The following PRKG1 variants were observed in gnomAD, a reference collection of about 807,000 sequenced individuals.
PRKG1 encodes the protein cGMP-dependent protein kinase 1.
A neutral mutation model predicts 88.1 loss-of-function variants in PRKG1; 35 were observed. The ratio of observed to expected loss-of-function variants is 0.40; its 90% CI spans 0.30 to 0.53. The LOEUF is 0.53. Ranked by LOEUF, PRKG1 falls within the 20% of genes least tolerant of loss-of-function variation. The pLI, the probability that PRKG1 is intolerant of heterozygous loss-of-function variation, is 0.59. For synonymous variants in PRKG1, 303 were observed against 292.5 expected (o/e 1.04, Z -0.37); for missense variants, 540 against 839.8 (o/e 0.64, Z 4.41).
chr10:51,089,591 T>TA (rs1352407023), intron 1 of PRKG1, among the ~76,000 whole-genome samples: 1 of 152,184 alleles, frequency 6.6e-6, no homozygotes, highest in Non-Finnish European at 1.5e-5. Context: ...CCTAATCCTA[T>TA]AAAAAACTTT....
chr10:51,708,522 C>T (rs1589221751), intron 3 of PRKG1, among the ~76,000 whole-genome samples: 1 of 152,258 alleles, frequency 6.6e-6, no homozygotes, highest in East Asian at 1.9e-4. Flanking sequence ...CTTTGTCTCC[C>T]ACTCCCTTCC....
chr10:51,729,902 A>T (rs1018487499), intron 3 of PRKG1, among the ~76,000 whole-genome samples: 4 of 152,018 alleles, frequency 2.6e-5, no homozygotes, highest in Admixed American at 2.6e-4. Context: ...TTAGCAGATG[A>T]TCCAGAGATT....
intron 7 of PRKG1, among the ~76,000 whole-genome samples, chr10:52,114,093 G>A (rs1847630771): frequency 6.6e-6 from 1 of 152,036 alleles, no homozygotes; most frequent in African/African-American, 2.4e-5. Flanking sequence ...ATGGACTTGG[G>A]GTTAGGTAAA....
intron 5 of PRKG1, among the ~76,000 whole-genome samples, chr10:52,040,071 T>C (rs1239575193): frequency 6.6e-6 from 1 of 152,180 alleles, no homozygotes; most frequent in African/African-American, 2.4e-5. Flanking sequence ...CCATTCTTTA[T>C]TGACCTCAAG....
chr10:52,116,531 A>G (rs904493122), intron 7 of PRKG1, among the ~76,000 whole-genome samples: 3 of 151,952 alleles, frequency 2.0e-5, no homozygotes, highest in Non-Finnish European at 4.4e-5. Flanking sequence ...CCTTGCTTGC[A>G]CTTCGAAAGA....
At position 51,598,191 on chromosome 10, in the gene PRKG1, C is replaced by A. The variant is rs952735032; in HGVS notation, c.592+130355C>A. On this transcript the variant is annotated intron_variant, in intron 3 of 17. Coordinates refer to ENST00000373980, the MANE Select transcript of PRKG1 (RefSeq NM_006258.4). ...GCTTACCCTTTGGAGTTTCCATCTACTAGCATCTAAAGACTACTGAAAACT... is the reference window on the plus strand; with the variant it reads ...GCTTACCCTTTGGAGTTTCCATCTAATAGCATCTAAAGACTACTGAAAACT... 7.2e-5 allele frequency among the ~76,000 whole-genome samples: 11 copies of A among 151,992 alleles called. No homozygotes were observed. The East Asian group carries it at 2.1e-3, about 29-fold the overall frequency.
chr10:51,982,266 A>T (rs1165075876), intron 5 of PRKG1, among the ~76,000 whole-genome samples: 1 of 152,132 alleles, frequency 6.6e-6, no homozygotes, highest in Non-Finnish European at 1.5e-5. Context: ...GTATTCCTGC[A>T]TCTCAATGAT....
At chr10:52,252,857 A>G (rs993181622) in intron 10 of PRKG1, 1 of 151,828 alleles carries the variant, frequency 6.6e-6, no homozygotes, top group Non-Finnish European at 1.5e-5. Flanking sequence ...AAAAAAAAAA[A>G]GTAAGGTTCT....
At chr10:51,541,404 A>G (rs939506215) in intron 3 of PRKG1, among the ~76,000 whole-genome samples, 5 of 152,070 alleles carry the variant, frequency 3.3e-5, no homozygotes, top group African/African-American at 1.2e-4. Flanking sequence ...CCCCTGTGTT[A>G]GAGGACTAAA....
chr10:51,862,876 G>A (rs1235552133), intron 4 of PRKG1, among the ~76,000 whole-genome samples: 1 of 152,094 alleles, frequency 6.6e-6, no homozygotes, highest in African/African-American at 2.4e-5. Flanking sequence ...CTATGTTACA[G>A]TGCCTGGCCT....
chr10:51,775,630 G>T (rs1838414457), intron 3 of PRKG1, among the ~76,000 whole-genome samples: 1 of 151,812 alleles, frequency 6.6e-6, no homozygotes, highest in Non-Finnish European at 1.5e-5. Flanking sequence ...TATTACCCAG[G>T]CTGGAGTGCA....
At chr10:51,416,515 C>T (rs1318466797) in intron 2 of PRKG1, among the ~76,000 whole-genome samples, 1 of 152,158 alleles carries the variant, frequency 6.6e-6, no homozygotes, top group Non-Finnish European at 1.5e-5. Context: ...TGAACCCTGT[C>T]TCAACCAGTT....
At chr10:51,958,877 C>A (rs1564728395) in intron 5 of PRKG1, among the ~76,000 whole-genome samples, 1 of 151,984 alleles carries the variant, frequency 6.6e-6, no homozygotes, top group African/African-American at 2.4e-5. Context: ...ATTACCTGGG[C>A]CTTCTAGTCC....
intron 5 of PRKG1, among the ~76,000 whole-genome samples, chr10:52,021,316 G>T (rs990847455): frequency 3.3e-5 from 5 of 152,190 alleles, no homozygotes; most frequent in Non-Finnish European, 4.4e-5. Context: ...GTTATGGATG[G>T]ATTTTAAGCA....
At chr10:52,004,348 CAACTGCATGTTGATA>C (rs1844676568) in intron 5 of PRKG1, among the ~76,000 whole-genome samples, 1 of 152,150 alleles carries the variant, frequency 6.6e-6, no homozygotes, top group Non-Finnish European at 1.5e-5. Context: ...ATAATAATGT[CAACTGCATGTTGATA>C]AACAGGTAGA....
At chr10:51,683,408 T>G (rs1840899506) in intron 3 of PRKG1, among the ~76,000 whole-genome samples, 1 of 152,112 alleles carries the variant, frequency 6.6e-6, no homozygotes, top group African/African-American at 2.4e-5. Context: ...AAAAAACAAG[T>G]GATGACAGTG....
At position 51,591,412 on chromosome 10, in the gene PRKG1, C is replaced by A. The variant is rs970957814; in HGVS notation, c.592+123576C>A. On this transcript the variant is annotated intron_variant, in intron 3 of 17. Coordinates refer to ENST00000373980, the MANE Select transcript of PRKG1 (RefSeq NM_006258.4). ...TTCTGTCATTAGACAAAATAAAAAT[C>A]ATTTTAAATGGCACATTTGAAAGAT... 3.9e-5 allele frequency among the ~76,000 whole-genome samples: 6 copies of A among 152,134 alleles called. No homozygotes were observed. In the South Asian group the frequency reaches 1.2e-3, roughly 32 times the overall value.
chr10:51,658,263 C>T (rs1840210866), intron 3 of PRKG1, among the ~76,000 whole-genome samples: 1 of 152,078 alleles, frequency 6.6e-6, no homozygotes, highest in African/African-American at 2.4e-5. Flanking sequence ...ACCCACTCGC[C>T]ATATCTATTG....
At chr10:51,416,984 A>G (rs1018602984) in intron 2 of PRKG1, among the ~76,000 whole-genome samples, 5 of 152,206 alleles carry the variant, frequency 3.3e-5, no homozygotes, top group Non-Finnish European at 5.9e-5. Flanking sequence ...ACGTGTTTCC[A>G]GTTTTCTCAT....
Sources: allele counts gnomAD v4.1 joint callset (sites outside exome capture counted in the v4.1 genomes callset), GRCh38; gene constraint gnomAD v4.1.1; transcripts MANE v1.5; gene names NCBI Gene and HGNC (gene_info 2026-07-23, HGNC 2026-07-21).